BANK1: variants seen among roughly 807,000 people sequenced by gnomAD.
BANK1 encodes the protein B cell scaffold protein with ankyrin repeats 1, also known as B-cell scaffold protein with ankyrin repeats.
In BANK1, 95 loss-of-function variants were observed where a neutral mutation model predicts 94.5. The observed-to-expected ratio is 1.00, with a 90% CI of 0.85 to 1.19. BANK1 has a LOEUF of 1.19. BANK1 is among the 50% of genes most tolerant of loss of function. The pLI is 0.00. For synonymous variants in BANK1, 334 were observed against 308.4 expected (o/e 1.08, Z -0.87); for missense variants, 987 against 932.2 (o/e 1.06, Z -0.77).
At chr4:101,921,688 A>G (rs917685904) in intron 7 of BANK1, among the ~76,000 whole-genome samples, 10 of 151,946 alleles carry the variant, frequency 6.6e-5, no homozygotes, top group South Asian at 2.1e-4. Flanking sequence ...GGAATTGGAG[A>G]CAGGTGTTCA....
chr4:101,910,005 G>T (rs1722607937), intron 6 of BANK1, among the ~76,000 whole-genome samples: 1 of 152,136 alleles, frequency 6.6e-6, no homozygotes, highest in African/African-American at 2.4e-5. Flanking sequence ...GTTTTATTTA[G>T]TTCTCTGTGA....
At chr4:102,048,031 T>G (rs555212964) in intron 11 of BANK1, among the ~76,000 whole-genome samples, 2 of 152,300 alleles carry the variant, frequency 1.3e-5, no homozygotes, top group South Asian at 4.1e-4. Flanking sequence ...GTCAATTACC[T>G]CTAGATTTTT....
At chr4:101,984,463 G>A (rs1175224012) in intron 7 of BANK1, among the ~76,000 whole-genome samples, 2 of 152,012 alleles carry the variant, frequency 1.3e-5, no homozygotes, top group Non-Finnish European at 2.9e-5. Context: ...AGAAAATAAG[G>A]ATATTATCTC....
chr4:101,874,850 C>T (rs1253356523), intron 5 of BANK1, among the ~76,000 whole-genome samples: 4 of 152,108 alleles, frequency 2.6e-5, no homozygotes, highest in African/African-American at 9.7e-5. Flanking sequence ...GTTCCTGATA[C>T]AAGGGGGCAA....
intron 7 of BANK1, among the ~76,000 whole-genome samples, chr4:101,968,676 T>G (rs1174783147): frequency 6.6e-6 from 1 of 151,886 alleles, no homozygotes; most frequent in Non-Finnish European, 1.5e-5. Flanking sequence ...AATTGAAATG[T>G]GAAATGAAAT....
intron 1 of BANK1, among the ~76,000 whole-genome samples, chr4:101,827,438 G>A (rs189633072): frequency 1.8e-3 from 281 of 152,024 alleles, no homozygotes; most frequent in Middle Eastern, 0.01. Context: ...TTTAGGCAGT[G>A]TTAAAGGATT....
chr4:102,068,553 A>G (rs1298987994), intron 13 of BANK1, among the ~76,000 whole-genome samples: 1 of 152,222 alleles, frequency 6.6e-6, no homozygotes, highest in African/African-American at 2.4e-5. Flanking sequence ...CTGGCCGGGT[A>G]TGGTGGCTCA....
intron 14 of BANK1, 41 bp from the exon 15 acceptor site, chr4:102,072,304 G>C (rs1167516736): frequency 7.1e-7 from 1 of 1,408,808 alleles, no homozygotes; most frequent in Non-Finnish European, 9.9e-7. Context: ...CATCAAATTT[G>C]TGAATGAATA....
intron 1 of BANK1, among the ~76,000 whole-genome samples, chr4:101,825,186 C>G (rs1051100678): frequency 6.6e-6 from 1 of 152,052 alleles, no homozygotes; most frequent in Non-Finnish European, 1.5e-5. Flanking sequence ...TATGATGCAA[C>G]TTTCCAGGAA....
intron 5 of BANK1, among the ~76,000 whole-genome samples, chr4:101,887,769 TATATTTATAGTCACAG>T (rs1728908927): frequency 6.6e-6 from 1 of 152,204 alleles, no homozygotes; most frequent in African/African-American, 2.4e-5. Context: ...TGTTTGTTTT[TATATTTATAGTCACAG>T]ATATTGCAAT....
At chr4:101,832,321 A>G (rs1726652858) in intron 2 of BANK1, among the ~76,000 whole-genome samples, 1 of 152,118 alleles carries the variant, frequency 6.6e-6, no homozygotes. Context: ...TTTTGTTTGT[A>G]TCTTTTTCCC....
intron 10 of BANK1, among the ~76,000 whole-genome samples, chr4:102,034,544 G>A (rs1388503929): frequency 1.3e-5 from 2 of 152,134 alleles, no homozygotes; most frequent in African/African-American, 4.8e-5. Context: ...TCTCAGTTTA[G>A]TGTCTGTTTC....
chr4:101,945,936 A>G (rs932107228), intron 7 of BANK1, among the ~76,000 whole-genome samples: 1 of 151,976 alleles, frequency 6.6e-6, no homozygotes, highest in Admixed American at 6.6e-5. Flanking sequence ...TACAACTTAT[A>G]TTAGTGAGAG....
At chr4:102,042,621 T>G (rs3113675) in intron 10 of BANK1, among the ~76,000 whole-genome samples, 140,167 of 151,956 alleles carry the variant, frequency 0.92, 64,766 homozygotes, top group Non-Finnish European at 0.94. Flanking sequence ...TTGGTTTAAA[T>G]AATATAAAAA....
At chr4:101,883,607 A>G (rs1453938075) in intron 5 of BANK1, among the ~76,000 whole-genome samples, 1 of 152,200 alleles carries the variant, frequency 6.6e-6, no homozygotes, top group African/African-American at 2.4e-5. Context: ...TCATTGGCTG[A>G]GGTTGGCTTT....
At chr4:102,065,262 C>CA (rs1238042878) in intron 13 of BANK1, among the ~76,000 whole-genome samples, 1 of 152,106 alleles carries the variant, frequency 6.6e-6, no homozygotes, top group Non-Finnish European at 1.5e-5. Flanking sequence ...CATGCCCTAA[C>CA]AAAATCTCAA....
rs1268122506 is a variant in BANK1, at chr4:102,010,091, C to CT, written c.1207-11423_1207-11422insT. 4.3e-5 allele frequency among the ~76,000 whole-genome samples: 6 copies of CT among 140,626 alleles called. No individual in the cohort carries two copies. The East Asian group carries it at 8.1e-4, about 19-fold the overall frequency. The allele number at this position is 140,626 out of a possible 152,430, so 92.3% of individuals were successfully genotyped here. The stretch of plus-strand genomic sequence containing the variant: ...ACCATCCTGGCTAACACGGTGAAAC[C>CT]CGTCTCTACTAAAAATACAAAAAAT... On this transcript the variant is annotated intron_variant, in intron 7 of 16. Transcript: ENST00000322953.
intron 7 of BANK1, among the ~76,000 whole-genome samples, chr4:101,919,759 A>G (rs1409102634): frequency 6.6e-6 from 1 of 152,030 alleles, no homozygotes; most frequent in Non-Finnish European, 1.5e-5. Context: ...AGATAGATCA[A>G]TTATTTTGTG....
intron 7 of BANK1, among the ~76,000 whole-genome samples, chr4:101,958,305 T>C (rs191152557): frequency 6.6e-5 from 10 of 152,264 alleles, no homozygotes; most frequent in Admixed American, 4.6e-4. Context: ...TTTTTTTAAA[T>C]TGAGACTCAA....
Sources: allele counts gnomAD v4.1 joint callset (sites outside exome capture counted in the v4.1 genomes callset), GRCh38; gene constraint gnomAD v4.1.1; transcripts MANE v1.5; gene names NCBI Gene and HGNC (gene_info 2026-07-23, HGNC 2026-07-21).